OTUD7A: variants seen among roughly 807,000 people sequenced by gnomAD.
OTUD7A encodes OTU domain-containing protein 7A.
A neutral mutation model predicts 65.7 loss-of-function variants in OTUD7A; 12 were observed. The observed-to-expected ratio is 0.18, with a 90% CI of 0.12 to 0.30. OTUD7A has a LOEUF of 0.30. OTUD7A is among the 10% of genes least tolerant of loss of function. OTUD7A has a pLI of 1.00. For missense variants in OTUD7A, 1,148 were observed against 1,304.8 expected (o/e 0.88, Z 1.85); for synonymous variants, 641 against 586.3 (o/e 1.09, Z -1.35).
intron 3 of OTUD7A, among the ~76,000 whole-genome samples, chr15:31,591,096 G>T (rs191119636): frequency 6.6e-6 from 1 of 152,146 alleles, no homozygotes; most frequent in African/African-American, 2.4e-5. Context: ...TGTGAGCGAG[G>T]AGTGGAAGCT....
At chr15:31,852,325 T>G (rs1478533347) in intron 1 of OTUD7A, among the ~76,000 whole-genome samples, 1 of 152,220 alleles carries the variant, frequency 6.6e-6, no homozygotes, top group African/African-American at 2.4e-5. Context: ...GAAATCTTCA[T>G]CAACTCTTGT....
At chr15:31,787,229 A>C (rs1000824165) in intron 1 of OTUD7A, among the ~76,000 whole-genome samples, 1 of 152,218 alleles carries the variant, frequency 6.6e-6, no homozygotes, top group African/African-American at 2.4e-5. Context: ...TGATGGTTAT[A>C]AGAAGCATGA....
chr15:31,525,230 T>C (rs907304309), intron 8 of OTUD7A, among the ~76,000 whole-genome samples: 8 of 152,162 alleles, frequency 5.3e-5, no homozygotes, highest in African/African-American at 1.9e-4. Context: ...TCGGGAGGCG[T>C]GCAGAGGAAG....
intron 10 of OTUD7A, among the ~76,000 whole-genome samples, chr15:31,488,748 C>A (rs2041275542): frequency 6.6e-6 from 1 of 152,206 alleles, no homozygotes; most frequent in Non-Finnish European, 1.5e-5. Context: ...ATTGGAAAAA[C>A]TGACTCAATG....
chr15:31,677,264 G>A (rs1892614508), intron 1 of OTUD7A, among the ~76,000 whole-genome samples: 1 of 152,192 alleles, frequency 6.6e-6, no homozygotes, highest in Non-Finnish European at 1.5e-5. Context: ...ACATGATGGT[G>A]TGGTCTCTAT....
chr15:31,750,019 T>C (rs920194117), intron 1 of OTUD7A, among the ~76,000 whole-genome samples: 2 of 152,076 alleles, frequency 1.3e-5, no homozygotes, highest in African/African-American at 4.8e-5. Context: ...GGGTGAAACA[T>C]CTCTAAAGCA....
intron 1 of OTUD7A, among the ~76,000 whole-genome samples, chr15:31,739,523 T>C (rs577301468): frequency 1.4e-3 from 214 of 152,350 alleles, no homozygotes; most frequent in African/African-American, 4.9e-3. Flanking sequence ...GTTAACATAA[T>C]AGACAAAAGA....
chr15:31,527,073 C>T (rs760417583), intron 7 of OTUD7A, 108 bp downstream of exon 7: 224 of 1,481,628 alleles, frequency 1.5e-4, no homozygotes, highest in Non-Finnish European at 1.9e-4. Context: ...TTCTGCCTTC[C>T]CCTCATAAGA....
intron 1 of OTUD7A, among the ~76,000 whole-genome samples, chr15:31,771,282 T>C (rs949712896): frequency 6.6e-6 from 1 of 152,218 alleles, no homozygotes; most frequent in Non-Finnish European, 1.5e-5. Context: ...TACCGGTTTA[T>C]TGGACTATCT....
intron 1 of OTUD7A, among the ~76,000 whole-genome samples, chr15:31,660,788 G>A (rs1488296067): frequency 7.9e-5 from 12 of 152,212 alleles, no homozygotes; most frequent in Admixed American, 5.2e-4. Flanking sequence ...GAAGTTCTTC[G>A]CATTGTTGCA....
At chr15:31,752,985 T>G (rs7177856) in intron 1 of OTUD7A, among the ~76,000 whole-genome samples, 1 of 151,982 alleles carries the variant, frequency 6.6e-6, no homozygotes, top group Non-Finnish European at 1.5e-5. Context: ...CTCAGAATAT[T>G]AAAACGACTT....
At chr15:31,811,145 G>T (rs1896403621) in intron 1 of OTUD7A, among the ~76,000 whole-genome samples, 1 of 152,126 alleles carries the variant, frequency 6.6e-6, no homozygotes, top group African/African-American at 2.4e-5. Context: ...CCACTTTCAA[G>T]GGCAATTTAA....
chr15:31,761,131 T>G (rs1894951258), intron 1 of OTUD7A, among the ~76,000 whole-genome samples: 1 of 152,098 alleles, frequency 6.6e-6, no homozygotes, highest in Non-Finnish European at 1.5e-5. Context: ...AGGCAATAAT[T>G]TTGTAGGTAC....
At chr15:31,610,617 A>ATATATATATATATATTTTTTTTTTTTT in intron 3 of OTUD7A, among the ~76,000 whole-genome samples, 1 of 30,560 alleles carries the variant, frequency 3.3e-5, no homozygotes, top group African/African-American at 1.7e-4. Context: ...ATATATATAT[A>ATATATATATATATATTTTTTTTTTTTT]TTTTTTTTTT....
At chr15:31,549,324 G>T (rs1384093190) in intron 5 of OTUD7A, among the ~76,000 whole-genome samples, 3 of 152,098 alleles carry the variant, frequency 2.0e-5, no homozygotes, top group Non-Finnish European at 2.9e-5. Context: ...TAGCATAGAA[G>T]AATTATCATA....
At chr15:31,832,206 C>A (rs950879248) in intron 1 of OTUD7A, among the ~76,000 whole-genome samples, 4 of 152,248 alleles carry the variant, frequency 2.6e-5, no homozygotes, top group African/African-American at 9.6e-5. Context: ...GCCTCCTCCG[C>A]TGGGGCTCTC....
chr15:31,831,110 G>C (rs1390404342), intron 1 of OTUD7A, among the ~76,000 whole-genome samples: 4 of 152,080 alleles, frequency 2.6e-5, no homozygotes, highest in African/African-American at 9.7e-5. Context: ...TATCCACATA[G>C]AAAAAAGAAA....
At chr15:31,693,642 C>A (rs976838430) in intron 1 of OTUD7A, among the ~76,000 whole-genome samples, 20 of 152,154 alleles carry the variant, frequency 1.3e-4, no homozygotes, top group South Asian at 4.1e-4. Context: ...GCTGTGGACA[C>A]ACCGCGTGTC....
At chr15:31,533,423 GAT>G (rs1887699160) in intron 5 of OTUD7A, among the ~76,000 whole-genome samples, 1 of 152,052 alleles carries the variant, frequency 6.6e-6, no homozygotes, top group Non-Finnish European at 1.5e-5. Flanking sequence ...TTTTAGTAGA[GAT>G]AGAGTTTTAC....
Sources: gnomAD v4.1 joint callset for allele counts (sites outside exome capture counted in the v4.1 genomes callset) on GRCh38, gnomAD v4.1.1 for gene constraint, MANE v1.5 for transcripts, NCBI Gene and HGNC (gene_info 2026-07-23, HGNC 2026-07-21) for gene names.